SPAG5: variants seen among roughly 807,000 people sequenced by gnomAD.
SPAG5 encodes the protein sperm associated antigen 5, also known as sperm-associated antigen 5.
Under a neutral mutation model 145.4 loss-of-function variants are expected in SPAG5, and 99 were observed. That is an observed-to-expected ratio of 0.68 (90% confidence interval 0.58 to 0.80). The LOEUF (loss-of-function observed/expected upper bound fraction) is 0.80. Among genes scored for constraint, SPAG5 ranks in the 30% least tolerant of loss-of-function variants. SPAG5 has a pLI of 0.00. For missense variants in SPAG5, 1,192 were observed against 1,416.0 expected, an observed-to-expected ratio of 0.84 and a Z score of 2.54; for synonymous variants, 477 against 525.4, an observed-to-expected ratio of 0.91 and a Z score of 1.26.
chr17:28,593,948 T>C (rs1301031446), intron 2 of SPAG5, among the ~76,000 whole-genome samples: 2 of 151,996 alleles, frequency 1.3e-5, no homozygotes, highest in South Asian at 2.1e-4. Flanking sequence ...GAAACTAGAA[T>C]TACTGGCCTG....
chr17:28,598,717 CCA>C lies in SPAG5; in HGVS notation c.52-84_52-83del, dbSNP rs1597600779. The stretch of plus-strand genomic sequence containing the variant: ...CGCCCCTCCTCCCTCCCTAAGAAGC[CCA>C]AAATGCGATTAGAAGAGTACGCTCG... On this transcript the variant is annotated intron_variant, in intron 1 of 23. Coordinates refer to ENST00000321765, the MANE Select transcript of SPAG5 (RefSeq NM_006461.4). 3 of 1,547,164 alleles carry C rather than the reference CCA, an allele frequency of 1.9e-6. No homozygotes were observed. In the East Asian group the frequency reaches 6.8e-5, roughly 35 times the overall value.
intron 2 of SPAG5, among the ~76,000 whole-genome samples, chr17:28,593,342 C>G (rs1247915716): frequency 6.6e-6 from 1 of 152,142 alleles, no homozygotes; most frequent in African/African-American, 2.4e-5. Flanking sequence ...TTGAAAGTGA[C>G]CCCACTCATC....
intron 18 of SPAG5, 56 bp from the exon 19 acceptor site, chr17:28,579,308 C>T: frequency 1.9e-6 from 3 of 1,613,618 alleles, no homozygotes; most frequent in Non-Finnish European, 1.7e-6. Flanking sequence ...CAGTTGGACC[C>T]TTGGCATAAG....
Position 28,583,568 on chromosome 17 carries a change from C to T in SPAG5, c.2628G>A (p.Leu876=). The change falls in exon 15 of 24, where the codon CTG becomes CTA. Residue 876 remains leucine (L), a synonymous_variant. Transcript: ENST00000321765. The stretch of plus-strand genomic sequence containing the variant: ...TCAGGCTCTGTAGTTGCTCAGTCAG[C>T]AGCCCTAGCTTTTGAGAGTACTGCC... ...KTRQYSQKLG[L]LTEQLQSLTL... 6.2e-7 allele frequency: 1 copy of T among 1,613,800 alleles called. No homozygotes were observed. Among genetic ancestry groups the T allele is most frequent in the Non-Finnish European group, 8.5e-7 (1 of 1,179,908 alleles).
chr17:28,586,435 C>G lies in SPAG5; in HGVS notation c.1502G>C (p.Arg501Thr). Residue 501 changes from arginine to threonine, a missense_variant, in exon 5 of 24, where the codon AGA (arginine) becomes ACA (threonine). Physicochemically the swap from Arg to Thr is moderately conservative, Grantham distance 71. Around this residue, in one of 5 missense-constraint regions of SPAG5, gnomAD observed 709 missense variants for 840.7 expected, o/e 0.84. Coordinates refer to ENST00000321765, the MANE Select transcript of SPAG5 (RefSeq NM_006461.4). ...TCAATCATCACTTACCATGACATTT[C>G]TGGCCTGCTGTAGGGCCTGTCCCAT... The part of the protein sequence containing the change: ...HEMGQALQQA[R>T]NVMQSWVLIS... The G allele has an allele frequency of 6.2e-7, 1 of 1,613,152 alleles. No homozygotes were observed. The highest frequency in any genetic ancestry group is 8.5e-7 in the Non-Finnish European group (1 of 1,179,022).
chr17:28,595,717 C>G (rs1308357428), intron 2 of SPAG5, among the ~76,000 whole-genome samples: 1 of 150,530 alleles, frequency 6.6e-6, no homozygotes, highest in Non-Finnish European at 1.5e-5. Context: ...CCACTGCACT[C>G]TAGCCTGGAT....
At chr17:28,585,687 G>C (rs747332618) in intron 7 of SPAG5, 34 bp from the exon 8 acceptor site, 7 of 1,612,248 alleles carry the variant, frequency 4.3e-6, no homozygotes, top group Non-Finnish European at 5.9e-6. Context: ...GCCACAGTGG[G>C]CAACAGGGGA....
In SPAG5 at chr17:28,592,377, A is replaced by G; in HGVS notation, c.867T>C (p.Ser289=). 6.2e-7 allele frequency: 1 copy of G among 1,614,194 alleles called. No individual in the cohort carries two copies. Among genetic ancestry groups the G allele is most frequent in the Non-Finnish European group, 8.5e-7 (1 of 1,180,036 alleles). Residue 289 remains serine, a synonymous_variant, in exon 3 of 24, where the codon TCT becomes TCC. Coordinates refer to ENST00000321765, the MANE Select transcript of SPAG5 (RefSeq NM_006461.4). ...EMRFPTHPKE[S]ETEDQALVSS... ...AGACAAGTGCTTGATCTTCTGTTTCAGACTCCTTAGGATGTGTGGGAAACC... is the reference window on the plus strand; with the variant it reads ...AGACAAGTGCTTGATCTTCTGTTTCGGACTCCTTAGGATGTGTGGGAAACC...
chr17:28,584,985 A>G lies in SPAG5; in HGVS notation c.2067+117T>C, dbSNP rs953568201. The G allele has an allele frequency of 1.6e-5, 16 of 974,114 alleles. 1 individual carries two copies. The South Asian group carries it at 1.8e-4, about 11-fold the overall frequency. The allele number at this position is 974,114 out of a possible 1,614,324, so 60.3% of individuals were successfully genotyped here. ...GGCCATCTTACAGCTAAGAGACCTT[A>G]CTGGCTGGCCTCCAAACCCACAGGG... On this transcript the variant is annotated intron_variant, in intron 10 of 23. Coordinates refer to ENST00000321765, the MANE Select transcript of SPAG5 (RefSeq NM_006461.4).
chr17:28,591,752 G>A lies in SPAG5; in HGVS notation c.1383C>T (p.Val461=). 1 of 1,614,146 alleles carries A rather than the reference G, an allele frequency of 6.2e-7. No homozygotes were observed. The change falls in exon 4 of 24, where the codon GTC becomes GTT. Residue 461 remains valine, a synonymous_variant. Transcript: ENST00000321765. ...QLRDWKSQLA[V]PHPETQDSST... is the part of the protein sequence containing the mutation. The stretch of plus-strand genomic sequence containing the variant: ...TACTGTCCTGGGTTTCTGGGTGAGG[G>A]ACAGCCAGCTGGCTCTTCCAGTCCC...
chr17:28,582,366 T>A (rs1458986836), intron 15 of SPAG5, among the ~76,000 whole-genome samples: 3 of 152,176 alleles, frequency 2.0e-5, no homozygotes, highest in Non-Finnish European at 4.4e-5. Context: ...TCATATGTAG[T>A]CAGATGAAAC....
intron 4 of SPAG5, among the ~76,000 whole-genome samples, chr17:28,590,653 G>A (rs1389722593): frequency 1.3e-5 from 2 of 151,978 alleles, no homozygotes; most frequent in Non-Finnish European, 2.9e-5. Flanking sequence ...GGTGGATCAT[G>A]AGGGCAGGAG....
At chr17:28,586,306 G>A in intron 5 of SPAG5, 119 bp downstream of exon 5, 1 of 1,232,872 alleles carries the variant, frequency 8.1e-7, no homozygotes, top group Non-Finnish European at 1.2e-6. Flanking sequence ...CTTTACAAAT[G>A]TTTGGAAACC....
At chr17:28,591,893 C>A (rs764910173) in intron 3 of SPAG5, 21 bp from the exon 4 acceptor site, 16 of 1,611,736 alleles carry the variant, frequency 9.9e-6, no homozygotes, top group Non-Finnish European at 1.3e-5. Flanking sequence ...AAGAGAAGAA[C>A]ATGACGAAAA....
intron 11 of SPAG5, 69 bp downstream of exon 11, chr17:28,584,583 G>A: frequency 6.3e-7 from 1 of 1,598,976 alleles, no homozygotes; most frequent in South Asian, 1.1e-5. Flanking sequence ...TTGCTCTAGT[G>A]CCACACTCCA....
At chr17:28,577,901 G>T in intron 23 of SPAG5, 109 bp downstream of exon 23, 1 of 1,217,134 alleles carries the variant, frequency 8.2e-7, no homozygotes, top group Non-Finnish European at 1.2e-6. Flanking sequence ...TAGTGATTCA[G>T]GCCCAGCTCT....
chr17:28,580,775 C>T (rs1279365357), intron 15 of SPAG5: 2 of 152,198 alleles, frequency 1.3e-5, no homozygotes, highest in Non-Finnish European at 2.9e-5. Flanking sequence ...TACTCTAATT[C>T]ATTCCCAGGG....
intron 2 of SPAG5, among the ~76,000 whole-genome samples, chr17:28,594,691 T>C (rs2070648463): frequency 6.6e-6 from 1 of 152,244 alleles, no homozygotes; most frequent in Non-Finnish European, 1.5e-5. Context: ...GCTTCTGATA[T>C]TCTGGTACTG....
Position 28,584,737 on chromosome 17 carries a change from C to A in SPAG5, c.2076G>T (p.Arg692Ser), listed in dbSNP as rs1378926666. The A allele has an allele frequency of 6.2e-7, 1 of 1,612,372 alleles. No individual in the cohort carries two copies. ...ACTGGGCAGAGACTTGTTCCAGCAC[C>A]CTAGAAACCTAGGAAGAACAGATGG... ...VAIEEKQEVS[R>S]VLEQVSAQLE... The change falls in exon 11 of 24, where the codon AGG becomes AGT. Residue 692 changes from arginine (R) to serine (S), a missense_variant. Physicochemically the swap from Arg to Ser is moderately radical, Grantham distance 110 (BLOSUM62 -1). Transcript: ENST00000321765.
Sources: gnomAD v4.1 joint callset for allele counts (sites outside exome capture counted in the v4.1 genomes callset) on GRCh38, gnomAD v4.1.1 for gene constraint, gnomAD v4.1.1 regional missense constraint, MANE v1.5 for transcripts, NCBI Gene and HGNC (gene_info 2026-07-23, HGNC 2026-07-21) for gene names.